The following TRAPPC9 variants were observed in gnomAD, a reference collection of about 807,000 sequenced individuals.
The protein encoded by TRAPPC9 is trafficking protein particle complex subunit 9.
A neutral mutation model predicts 124.0 loss-of-function variants in TRAPPC9; 83 were observed. The observed-to-expected ratio is 0.67, with a 90% confidence interval of 0.56 to 0.80. The LOEUF (loss-of-function observed/expected upper bound fraction) is 0.80. Among genes scored for constraint, TRAPPC9 ranks in the 30% least tolerant of loss-of-function variants. TRAPPC9 has a pLI of 0.00. For synonymous variants in TRAPPC9, 638 were observed against 617.5 expected, an observed-to-expected ratio of 1.03 and a Z score of -0.49; for missense variants, 1,302 against 1,508.3, an observed-to-expected ratio of 0.86 and a Z score of 2.27.
chr8:139,918,022 C>T (rs1171511666), intron 19 of TRAPPC9, among the ~76,000 whole-genome samples: 2 of 152,164 alleles, frequency 1.3e-5, no homozygotes, highest in Non-Finnish European at 2.9e-5. Context: ...TTCTTTGCTC[C>T]ATGTAGGGCT....
At chr8:140,111,019 C>G (rs1359889930) in intron 17 of TRAPPC9, among the ~76,000 whole-genome samples, 1 of 141,910 alleles carries the variant, frequency 7.0e-6, no homozygotes, top group Non-Finnish European at 1.5e-5. Context: ...TGTCCTTCTA[C>G]CTGGAGGGTC....
Position 139,932,765 on chromosome 8 carries a change from A to C in TRAPPC9, c.2811-22465T>G, listed in dbSNP as rs1236558849. 4.9e-5 allele frequency: 9 copies of C among 182,174 alleles called. No homozygotes were observed. In the East Asian group the frequency reaches 1.4e-3, roughly 28 times the overall value. 11.3% of individuals were successfully genotyped at this position (182,174 alleles called of 1,614,324 possible). ...GGCAACAGAATGAGACTGTGTCTTC[A>C]AAAAAAAAAAGCACTGTCATGCAGG... is the stretch of plus-strand genomic sequence containing the variant. On this transcript the variant is annotated intron_variant, in intron 19 of 22. Coordinates refer to ENST00000438773, the MANE Select transcript of TRAPPC9 (RefSeq NM_001160372.4).
At chr8:140,267,660 T>C (rs540925177) in intron 15 of TRAPPC9, among the ~76,000 whole-genome samples, 99 of 145,134 alleles carry the variant, frequency 6.8e-4, no homozygotes, top group African/African-American at 2.5e-3. Flanking sequence ...TTTGGGGTTT[T>C]TCGTTGTTGT....
chr8:139,905,651 C>G (rs535999071), intron 20 of TRAPPC9, among the ~76,000 whole-genome samples: 1 of 151,606 alleles, frequency 6.6e-6, no homozygotes, highest in Non-Finnish European at 1.5e-5. Flanking sequence ...CCCAGCCTCT[C>G]GTGGGAAACA....
intron 18 of TRAPPC9, among the ~76,000 whole-genome samples, chr8:139,997,375 T>A (rs1020921124): frequency 2.7e-5 from 4 of 147,242 alleles, no homozygotes; most frequent in Non-Finnish European, 3.0e-5. Flanking sequence ...AGACAACGCA[T>A]CCTACACAGG....
At chr8:139,985,491 C>T (rs1302807880) in intron 19 of TRAPPC9, among the ~76,000 whole-genome samples, 1 of 152,172 alleles carries the variant, frequency 6.6e-6, no homozygotes, top group African/African-American at 2.4e-5. Context: ...TCCTGAGGAA[C>T]CTGAGGTGCC....
chr8:139,938,703 T>A (rs538213529), intron 19 of TRAPPC9, among the ~76,000 whole-genome samples: 49 of 151,466 alleles, frequency 3.2e-4, no homozygotes, highest in African/African-American at 1.2e-3. Context: ...TGGACTGCAG[T>A]GGCGCAATCT....
chr8:139,873,533 C>A (rs1829135177), intron 21 of TRAPPC9, among the ~76,000 whole-genome samples: 1 of 152,128 alleles, frequency 6.6e-6, no homozygotes, highest in Non-Finnish European at 1.5e-5. Flanking sequence ...TCAGGAGGAT[C>A]CAGGAAGCCA....
At position 140,211,944 on chromosome 8, in the gene TRAPPC9, G is replaced by A. The variant is rs142858268; in HGVS notation, c.2556+9515C>T. ...GAGGTGCTACCATCCAGGTGGGAAC[G>A]GACAGCAGACGAGGACACAGGAAGA... On this transcript the variant is annotated intron_variant, in intron 17 of 22. Transcript: ENST00000438773. Among the ~76,000 whole-genome samples the A allele has an allele frequency of 1.0e-3, 159 of 152,336 alleles. 1 individual carries two copies. Among genetic ancestry groups the A allele is most frequent in the African/African-American group, 3.6e-3 (149 of 41,580 alleles).
intron 19 of TRAPPC9, among the ~76,000 whole-genome samples, chr8:139,925,840 C>A (rs1369730162): frequency 1.4e-5 from 2 of 145,894 alleles, no homozygotes; most frequent in East Asian, 4.1e-4. Flanking sequence ...CACACACACA[C>A]ACACACGTTT....
intron 21 of TRAPPC9, among the ~76,000 whole-genome samples, chr8:139,771,828 G>T (rs72683225): frequency 6.6e-6 from 1 of 152,164 alleles, no homozygotes; most frequent in African/African-American, 2.4e-5. Flanking sequence ...AGGCACCCTC[G>T]GCCTTTAGGG....
At chr8:139,956,570 G>A (rs781638806) in intron 19 of TRAPPC9, among the ~76,000 whole-genome samples, 4 of 152,158 alleles carry the variant, frequency 2.6e-5, no homozygotes, top group Non-Finnish European at 2.9e-5. Flanking sequence ...ACGGTGTCTC[G>A]TACATGGCAA....
chr8:140,117,388 G>C (rs1436836866), intron 17 of TRAPPC9, among the ~76,000 whole-genome samples: 1 of 152,184 alleles, frequency 6.6e-6, no homozygotes, highest in Non-Finnish European at 1.5e-5. Context: ...TCTGGAGGCT[G>C]GGAAGTCCAA....
At position 140,252,933 on chromosome 8, in the gene TRAPPC9, T is replaced by C. The variant is rs115441730; in HGVS notation, c.2279-4A>G. ...AAGAAGTCGCCATACAATTTTTCTG[T>C]AATAATAACAATGACAGTGATGAGG... On this transcript the variant is annotated splice_region_variant and splice_polypyrimidine_tract_variant and intron_variant, in intron 15 of 22. Transcript: ENST00000438773. The surrounding 1 kb of genome is among the most constrained non-coding windows in gnomAD (Gnocchi z 4.2). 2 of 1,613,616 alleles carry C rather than the reference T, an allele frequency of 1.2e-6. No homozygotes were observed. Among genetic ancestry groups the C allele is most frequent in the African/African-American group, 2.7e-5 (2 of 75,038 alleles).
intron 21 of TRAPPC9, among the ~76,000 whole-genome samples, chr8:139,826,679 C>T (rs889017959): frequency 1.3e-5 from 2 of 152,216 alleles, no homozygotes; most frequent in African/African-American, 4.8e-5. Flanking sequence ...GGCTCTGGCT[C>T]GTGTGAAAGG....
chr8:140,236,358 C>T (rs569900240), intron 16 of TRAPPC9, among the ~76,000 whole-genome samples: 66 of 152,346 alleles, frequency 4.3e-4, no homozygotes, highest in African/African-American at 1.5e-3. Context: ...GCTGGGATTG[C>T]AGGCGTGAGC....
chr8:140,108,896 A>G (rs1177390446), intron 17 of TRAPPC9, among the ~76,000 whole-genome samples: 1 of 152,234 alleles, frequency 6.6e-6, no homozygotes. Flanking sequence ...CTAAGAATAG[A>G]TTGAAAACCA....
chr8:139,932,266 C>A (rs1457174651), intron 19 of TRAPPC9: 1 of 454,108 alleles, frequency 2.2e-6, no homozygotes, highest in East Asian at 7.0e-5. Flanking sequence ...CACCACGGGG[C>A]CTCGCTCAGG....
chr8:140,311,939 T>C (rs2066310068), intron 9 of TRAPPC9, among the ~76,000 whole-genome samples: 1 of 152,194 alleles, frequency 6.6e-6, no homozygotes, highest in South Asian at 2.1e-4. Context: ...TCATGTCCGC[T>C]TCCTGTCCAT....
Sources: allele counts gnomAD v4.1 joint callset (sites outside exome capture counted in the v4.1 genomes callset), GRCh38; gene constraint gnomAD v4.1.1; non-coding constraint Gnocchi (gnomAD v3.1); transcripts MANE v1.5; gene names NCBI Gene and HGNC (gene_info 2026-07-23, HGNC 2026-07-21).